The following PTPRN2 variants were observed in gnomAD, a reference collection of about 807,000 sequenced individuals.
PTPRN2 encodes the protein protein tyrosine phosphatase receptor type N2, also known as receptor-type tyrosine-protein phosphatase N2.
In PTPRN2, 74 loss-of-function variants were observed where a neutral mutation model predicts 118.8. That is an observed-to-expected ratio of 0.62 (90% CI 0.52 to 0.76). PTPRN2 has a LOEUF of 0.76. Ranked by LOEUF, PTPRN2 falls within the 30% of genes least tolerant of loss-of-function variation. The pLI is 0.00. For missense variants in PTPRN2, 1,481 were observed against 1,394.4 expected (o/e 1.06, Z -0.99); for synonymous variants, 641 against 608.0 (o/e 1.05, Z -0.80).
intron 22 of PTPRN2, among the ~76,000 whole-genome samples, chr7:157,545,836 C>G (rs1287487289): frequency 6.6e-6 from 1 of 152,168 alleles, no homozygotes; most frequent in Non-Finnish European, 1.5e-5. Flanking sequence ...CAGTTCCAAA[C>G]CAGGCGACGT....
At chr7:157,882,946 G>A (rs556086323) in intron 12 of PTPRN2, among the ~76,000 whole-genome samples, 1 of 149,960 alleles carries the variant, frequency 6.7e-6, no homozygotes, top group South Asian at 2.2e-4. Context: ...TTGGAGAACA[G>A]AACACACCAC....
chr7:158,055,836 A>C (rs73171546), intron 11 of PTPRN2, among the ~76,000 whole-genome samples: 12,644 of 151,778 alleles, frequency 0.083, 542 homozygotes, highest in African/African-American at 0.099. Context: ...GGTCTCCGTG[A>C]CTTGGTGGTA....
rs116892817 is a variant in PTPRN2, at chr7:157,554,445, C to T, written c.2903-5426G>A. Among the ~76,000 whole-genome samples, 894 of 130,736 alleles carry T rather than the reference C, an allele frequency of 6.8e-3. 43 individuals are homozygous for T. Among genetic ancestry groups the T allele is most frequent in the Non-Finnish European group, 0.011 (650 of 56,808 alleles). 85.8% of individuals were successfully genotyped at this position (130,736 alleles called of 152,430 possible). On this transcript the variant is annotated intron_variant, in intron 21 of 22. Transcript: ENST00000389418. ...GCACAACGTTGGCATTGATAAAGCA[C>T]CTGCTGGGTGGGTAGGGTGGGATAG...
chr7:158,288,353 G>A (rs7798956), intron 3 of PTPRN2, among the ~76,000 whole-genome samples: 146,109 of 152,242 alleles, frequency 0.96, 70,181 homozygotes, highest in African/African-American at 0.99. Context: ...TATTTTCTAA[G>A]TCCTTTTTCC....
intron 12 of PTPRN2, among the ~76,000 whole-genome samples, chr7:157,772,224 GAC>G (rs1205285124): frequency 1.4e-5 from 2 of 146,668 alleles, no homozygotes; most frequent in East Asian, 2.0e-4. Flanking sequence ...CATAGACACA[GAC>G]ACACACACAT....
intron 2 of PTPRN2, among the ~76,000 whole-genome samples, chr7:158,462,013 C>A (rs1819032751): frequency 6.6e-6 from 1 of 152,290 alleles, no homozygotes; most frequent in South Asian, 2.1e-4. Context: ...TTGGATAGAA[C>A]CGCCTGGGTG....
chr7:158,149,757 T>G (rs188551432), intron 6 of PTPRN2, among the ~76,000 whole-genome samples: 4 of 151,526 alleles, frequency 2.6e-5, no homozygotes, highest in South Asian at 2.1e-4. Flanking sequence ...TGAGCTGAGA[T>G]TGTGCCATTG....
chr7:157,880,552 C>A (rs576639604), intron 12 of PTPRN2, among the ~76,000 whole-genome samples: 7 of 152,278 alleles, frequency 4.6e-5, no homozygotes, highest in Admixed American at 4.6e-4. Flanking sequence ...CCCAAGGGAC[C>A]CGGCCCATAG....
intron 9 of PTPRN2, among the ~76,000 whole-genome samples, chr7:158,113,562 C>T (rs1039288231): frequency 6.6e-6 from 1 of 152,108 alleles, no homozygotes; most frequent in Non-Finnish European, 1.5e-5. Context: ...CTCAGGGACC[C>T]CTTGGGGAGA....
chr7:158,236,053 C>T, intron 3 of PTPRN2, among the ~76,000 whole-genome samples: 1 of 152,126 alleles, frequency 6.6e-6, no homozygotes, highest in East Asian at 1.9e-4. Context: ...AATCCCAGAA[C>T]TCCCCCAAGG....
chr7:158,549,440 C>T (rs1293378529), intron 1 of PTPRN2, among the ~76,000 whole-genome samples: 1 of 152,230 alleles, frequency 6.6e-6, no homozygotes, highest in Non-Finnish European at 1.5e-5. Flanking sequence ...CCCTGAACCC[C>T]AGGGATGGCG....
intron 2 of PTPRN2, among the ~76,000 whole-genome samples, chr7:158,470,652 T>A (rs1733137): frequency 0.8 from 120,730 of 151,804 alleles, 48,120 homozygotes; most frequent in Middle Eastern, 0.85. Flanking sequence ...CCGCCTTCTC[T>A]CTACTGCACT....
chr7:158,322,914 G>A (rs1014404655), intron 2 of PTPRN2, among the ~76,000 whole-genome samples: 4 of 152,224 alleles, frequency 2.6e-5, no homozygotes, highest in Non-Finnish European at 5.9e-5. Flanking sequence ...AGGGGATGGT[G>A]GCTAAGTGAG....
chr7:157,584,624 C>T (rs1326022679), intron 17 of PTPRN2, among the ~76,000 whole-genome samples: 2 of 152,252 alleles, frequency 1.3e-5, no homozygotes, highest in Admixed American at 6.5e-5. Context: ...TGCTGCACAG[C>T]TCATTTCTGC....
At chr7:158,477,692 G>C (rs1014271169) in intron 2 of PTPRN2, among the ~76,000 whole-genome samples, 5 of 152,098 alleles carry the variant, frequency 3.3e-5, no homozygotes, top group Admixed American at 6.5e-5. Flanking sequence ...AAAACTCTTT[G>C]ACACCCCAAT....
At chr7:158,498,567 C>T (rs577404374) in intron 1 of PTPRN2, among the ~76,000 whole-genome samples, 1 of 152,308 alleles carries the variant, frequency 6.6e-6, no homozygotes, top group South Asian at 2.1e-4. Flanking sequence ...GGTTTTTAAT[C>T]GGCTCTGGTT....
chr7:158,412,475 C>G (rs767800688), intron 2 of PTPRN2, among the ~76,000 whole-genome samples: 4 of 107,026 alleles, frequency 3.7e-5, no homozygotes, highest in South Asian at 4.3e-4. Flanking sequence ...TCCTCAGCAC[C>G]AGGGCCCATC....
intron 13 of PTPRN2, among the ~76,000 whole-genome samples, chr7:157,657,490 A>AAC (rs1563312821): frequency 1.0e-4 from 2 of 19,718 alleles, no homozygotes; most frequent in Non-Finnish European, 2.6e-4. Flanking sequence ...CACCACACAC[A>AAC]TCACATATAC....
At chr7:157,673,396 A>G (rs1247993484) in intron 13 of PTPRN2, among the ~76,000 whole-genome samples, 1 of 152,178 alleles carries the variant, frequency 6.6e-6, no homozygotes, top group Non-Finnish European at 1.5e-5. Context: ...TTGAGCAACA[A>G]AGTTTCAGAA....
Sources: gnomAD v4.1 joint callset for allele counts (sites outside exome capture counted in the v4.1 genomes callset) on GRCh38, gnomAD v4.1.1 for gene constraint, MANE v1.5 for transcripts, NCBI Gene and HGNC (gene_info 2026-07-23, HGNC 2026-07-21) for gene names.